AGBL5: variants seen among roughly 807,000 people sequenced by gnomAD.
The protein encoded by AGBL5 is cytosolic carboxypeptidase-like protein 5.
A neutral mutation model predicts 88.0 loss-of-function variants in AGBL5; 51 were observed. The observed-to-expected ratio is 0.58, with a 90% CI of 0.46 to 0.73. The LOEUF (loss-of-function observed/expected upper bound fraction) is 0.73, where lower values mean the gene tolerates loss of function less well. Among genes scored for constraint, AGBL5 ranks in the 30% least tolerant of loss-of-function variants. The pLI is 0.00. For synonymous variants in AGBL5, 446 were observed against 438.8 expected (o/e 1.02, Z -0.21); for missense variants, 1,031 against 1,162.2 (o/e 0.89, Z 1.64).
rs1332545144 is a variant in AGBL5, at chr2:27,059,404, G to A, written c.2089G>A (p.Glu697Lys). 1.2e-6 allele frequency: 2 copies of A among 1,614,162 alleles called. No individual in the cohort carries two copies. The highest frequency in any genetic ancestry group is 1.1e-5 in the South Asian group (1 of 91,076). ...CCACCGGGTGCTGGGCCCCGTCAGA[G>A]GTAAGCCAGTCTGGGAGCCCCTGCA... ...VTHRVLGPVREPRSQDRRRQQ... is the reference protein window; with the variant it reads ...VTHRVLGPVRKPRSQDRRRQQ... Residue 697 changes from glutamate (E) to lysine (K), a missense_variant and splice_region_variant, in exon 11 of 15, where the codon GAG (glutamate) becomes AAG (lysine). Transcript: ENST00000360131.
At chr2:27,056,445 T>C (rs752709630) in intron 7 of AGBL5, 178 bp from the exon 8 acceptor site, 797 of 664,546 alleles carry the variant, frequency 1.2e-3, no homozygotes, top group Non-Finnish European at 1.6e-3. Context: ...AAAAAAAGAA[T>C]TGCTTCCCAA....
Position 27,058,535 on chromosome 2 carries a change from C to G in AGBL5, c.1807C>G (p.Leu603Val). 6.2e-7 allele frequency: 1 copy of G among 1,614,190 alleles called. No individual in the cohort carries two copies. The highest frequency in any genetic ancestry group is 1.1e-5 in the South Asian group (1 of 91,088). The change falls in exon 10 of 15, where the codon CTA becomes GTA. Residue 603 changes from leucine to valine, a missense_variant. Transcript: ENST00000360131. ...GAAACATGTACGCAACAGCCGAGGC[C>G]TAAGCAGCACTCTGAATGTGGGTGT... ...MLKHVRNSRGLSSTLNVGVNK... is the reference protein window; with the variant it reads ...MLKHVRNSRGVSSTLNVGVNK...
chr2:27,057,833 T>C (rs1572820486), intron 9 of AGBL5, among the ~76,000 whole-genome samples: 1 of 152,190 alleles, frequency 6.6e-6, no homozygotes, highest in Non-Finnish European at 1.5e-5. Context: ...CCCAGCACTT[T>C]GGGAGGCCAA....
At chr2:27,069,498 A>C in intron 13 of AGBL5, 75 bp from the exon 14 acceptor site, 2 of 1,572,794 alleles carry the variant, frequency 1.3e-6, no homozygotes, top group South Asian at 2.3e-5. Flanking sequence ...TTATGCATGG[A>C]AACTCTAGAA....
chr2:27,065,755 G>A (rs1276618154), intron 11 of AGBL5, among the ~76,000 whole-genome samples: 1 of 152,190 alleles, frequency 6.6e-6, no homozygotes, highest in African/African-American at 2.4e-5. Flanking sequence ...CTTCAAGTAA[G>A]AGAGGTAACA....
intron 5 of AGBL5, 95 bp downstream of exon 5, chr2:27,054,902 A>G: frequency 6.6e-7 from 1 of 1,521,364 alleles, no homozygotes; most frequent in East Asian, 2.3e-5. Context: ...GGCATCTTGG[A>G]CATGGCCTCC....
In AGBL5 at chr2:27,053,033, G is replaced by A; in HGVS notation, c.75G>A (p.Val25=). Residue 25 remains valine (V), a synonymous_variant, in exon 2 of 15, where the codon GTG becomes GTA. Transcript: ENST00000360131. The surrounding 1 kb of genome is among the most constrained non-coding windows in gnomAD (Gnocchi z 4.9). The part of the protein sequence containing the change: ...DSGNLAHVEK[V]ESLSSDGEGV... ...GGAATCTAGCCCACGTGGAGAAGGT[G>A]GAATCTTTGTCCAGTGATGGGGAAG... The A allele has an allele frequency of 6.2e-7, 1 of 1,613,834 alleles. No individual in the cohort carries two copies. Among genetic ancestry groups the A allele is most frequent in the Non-Finnish European group, 8.5e-7 (1 of 1,179,886 alleles).
chr2:27,067,425 G>C (rs939202856), intron 11 of AGBL5, 69 bp from the exon 12 acceptor site: 2 of 1,524,270 alleles, frequency 1.3e-6, no homozygotes, highest in African/African-American at 2.7e-5. Context: ...AAGCCAGCAG[G>C]TCAGTGAAGG....
At chr2:27,063,817 G>T (rs948104844) in intron 11 of AGBL5, among the ~76,000 whole-genome samples, 2 of 152,144 alleles carry the variant, frequency 1.3e-5, no homozygotes, top group African/African-American at 4.8e-5. Context: ...GGGGAGATCA[G>T]TCTCCCCTCA....
At chr2:27,059,138 C>CCT in intron 10 of AGBL5, 52 bp from the exon 11 acceptor site, 1 of 1,567,636 alleles carries the variant, frequency 6.4e-7, no homozygotes. Flanking sequence ...TAGGGAAAGC[C>CCT]TTAGGACACA....
At position 27,054,078 on chromosome 2, in the gene AGBL5, C is replaced by T. The variant is rs1488820090; in HGVS notation, c.551+19C>T. 1.9e-6 allele frequency: 3 copies of T among 1,602,536 alleles called. No homozygotes were observed. The highest frequency in any genetic ancestry group is 2.2e-5 in the East Asian group (1 of 44,560). On this transcript the variant is annotated intron_variant, in intron 4 of 14. Coordinates refer to ENST00000360131, the MANE Select transcript of AGBL5 (RefSeq NM_021831.6). Reference sequence around the variant, plus strand: ...ATAGCAGGTGCCAGCCCCATTCTTACTCCTGCCACACAGTCCTGGATCAGA... The same window carrying T: ...ATAGCAGGTGCCAGCCCCATTCTTATTCCTGCCACACAGTCCTGGATCAGA...
intron 11 of AGBL5, among the ~76,000 whole-genome samples, chr2:27,063,996 G>A (rs573774673): frequency 2.6e-5 from 4 of 152,338 alleles, no homozygotes; most frequent in African/African-American, 9.6e-5. Flanking sequence ...GGGGTAGGGT[G>A]AAGGTTTGTC....
intron 11 of AGBL5, among the ~76,000 whole-genome samples, chr2:27,063,330 C>T (rs1048492633): frequency 1.1e-4 from 16 of 152,280 alleles, no homozygotes; most frequent in East Asian, 1.9e-4. Context: ...TGGTGGCTCA[C>T]GCCTGTAATC....
chr2:27,052,530 G>A (rs183741936), intron 1 of AGBL5: 1 of 154,452 alleles, frequency 6.5e-6, no homozygotes, highest in East Asian at 1.9e-4. Flanking sequence ...CTCTAAAGGT[G>A]GCCATGTATG....
intron 13 of AGBL5, chr2:27,069,292 T>C: frequency 1.0e-6 from 1 of 985,414 alleles, no homozygotes; most frequent in Non-Finnish European, 1.2e-6. Flanking sequence ...ACACAGTGTT[T>C]CTCTACTCAC....
At chr2:27,064,419 C>T (rs1668874815) in intron 11 of AGBL5, among the ~76,000 whole-genome samples, 1 of 151,900 alleles carries the variant, frequency 6.6e-6, no homozygotes. Context: ...CCTCAGCCTC[C>T]CTAGTAGCTG....
At position 27,058,602 on chromosome 2, in the gene AGBL5, A is replaced by G; in HGVS notation, c.1874A>G (p.Asn625Ser). The change falls in exon 10 of 15, where the codon AAT becomes AGT. Residue 625 changes from asparagine to serine, a missense_variant and splice_region_variant. This residue lies in a region of AGBL5 where 491 missense variants were observed against 484.0 expected (regional missense o/e 1.01). Coordinates refer to ENST00000360131, the MANE Select transcript of AGBL5 (RefSeq NM_021831.6). ...RGLRTPPKSH[N>S]GLPVSCSENT... is the part of the protein sequence containing the mutation. ...CTTCGAACTCCACCCAAAAGTCACA[A>G]GTAAGGCCAGCAAAATAGGAGGGAG... 1 of 1,613,932 alleles carries G rather than the reference A, an allele frequency of 6.2e-7. No homozygotes were observed. Among genetic ancestry groups the G allele is most frequent in the Non-Finnish European group, 8.5e-7 (1 of 1,179,974 alleles).
intron 10 of AGBL5, among the ~76,000 whole-genome samples, chr2:27,058,806 AAG>A (rs1196018768): frequency 2.0e-5 from 3 of 152,218 alleles, no homozygotes; most frequent in Non-Finnish European, 2.9e-5. Flanking sequence ...ACATACACCT[AAG>A]AGATCTGAGT....
In AGBL5 at chr2:27,070,496, ATAT is replaced by A. The variant is rs1669236383; in HGVS notation, c.*235_*237del. 2.0e-6 allele frequency: 1 copy of A among 500,774 alleles called. No individual in the cohort carries two copies. Among genetic ancestry groups the A allele is most frequent in the Non-Finnish European group, 3.6e-6 (1 of 280,986 alleles). 31.0% of individuals were successfully genotyped at this position (500,774 alleles called of 1,614,324 possible). The stretch of plus-strand genomic sequence containing the variant: ...ATTTTGGGACCACAAAAAAAAGTCT[ATAT>A]TTTTATATTGGGGGGAGGGAGTAGA... On this transcript the variant is annotated 3_prime_UTR_variant, in exon 15 of 15. Coordinates refer to ENST00000360131, the MANE Select transcript of AGBL5 (RefSeq NM_021831.6).
Sources: allele counts gnomAD v4.1 joint callset (sites outside exome capture counted in the v4.1 genomes callset), GRCh38; gene constraint gnomAD v4.1.1; regional missense constraint gnomAD v4.1.1; non-coding constraint Gnocchi (gnomAD v3.1); transcripts MANE v1.5; gene names NCBI Gene and HGNC (gene_info 2026-07-23, HGNC 2026-07-21).